The following WDFY3 variants were observed in gnomAD, a reference collection of about 807,000 sequenced individuals.
The protein encoded by WDFY3 is WD repeat and FYVE domain-containing protein 3.
A neutral mutation model predicts 409.6 loss-of-function variants in WDFY3; 66 were observed. The observed-to-expected ratio is 0.16, with a 90% CI of 0.13 to 0.20. WDFY3 has a LOEUF of 0.20. Ranked by LOEUF, WDFY3 falls within the 10% of genes least tolerant of loss-of-function variation. WDFY3 has a pLI of 1.00. For missense variants in WDFY3, 3,031 were observed against 4,298.1 expected (o/e 0.71, Z 8.24); for synonymous variants, 1,521 against 1,537.1 (o/e 0.99, Z 0.25).
intron 2 of WDFY3, among the ~76,000 whole-genome samples, chr4:84,926,168 G>A (rs1486001812): frequency 6.5e-5 from 9 of 137,982 alleles, no homozygotes; most frequent in African/African-American, 1.9e-4. Flanking sequence ...TCGCGCCACC[G>A]CACTCCAGCC....
At chr4:84,755,438 A>C in intron 33 of WDFY3, 38 bp from the exon 34 acceptor site, 1 of 1,574,436 alleles carries the variant, frequency 6.4e-7, no homozygotes. Context: ...AGCCACCACT[A>C]ATTTTTCAGT....
At chr4:84,808,252 A>C in intron 15 of WDFY3, 82 bp downstream of exon 15, 2 of 1,142,460 alleles carry the variant, frequency 1.8e-6, no homozygotes. Context: ...CACAAAACAC[A>C]ATCAACATGT....
intron 1 of WDFY3, among the ~76,000 whole-genome samples, chr4:84,948,405 A>T (rs1432669911): frequency 6.6e-6 from 1 of 152,134 alleles, no homozygotes; most frequent in Non-Finnish European, 1.5e-5. Flanking sequence ...ATGATTACTG[A>T]TCAACAATAC....
At chr4:84,702,210 C>T (rs962432486) in intron 56 of WDFY3, 143 bp downstream of exon 56, 2 of 910,640 alleles carry the variant, frequency 2.2e-6, no homozygotes, top group Non-Finnish European at 3.2e-6. Context: ...TAACCACACC[C>T]AATTACAGCA....
rs376241749 is a variant in WDFY3 at position 84,751,440 on chromosome 4, A to C, written c.5973+43T>G. ...TTTGGTTACTAATGTTCTAATTTAA[A>C]AAGTAATGCAAAAGAGATGTAAATG... is the stretch of plus-strand genomic sequence containing the variant. On this transcript the variant is annotated intron_variant, in intron 36 of 67. Coordinates refer to ENST00000295888, the MANE Select transcript of WDFY3 (RefSeq NM_014991.6). The C allele has an allele frequency of 1.3e-5, 21 of 1,591,956 alleles. No individual in the cohort carries two copies. In the African/African-American group the frequency reaches 2.2e-4, roughly 16 times the overall value.
intron 1 of WDFY3, among the ~76,000 whole-genome samples, chr4:84,943,784 C>T (rs533486096): frequency 6.6e-6 from 1 of 152,240 alleles, no homozygotes; most frequent in African/African-American, 2.4e-5. Context: ...AAGGGTGATA[C>T]AATTTGGCCT....
At chr4:84,929,529 T>C (rs1770467243) in intron 2 of WDFY3, among the ~76,000 whole-genome samples, 1 of 147,094 alleles carries the variant, frequency 6.8e-6, no homozygotes, top group African/African-American at 2.5e-5. Flanking sequence ...AATGTGACCT[T>C]TGAAGCTAGG....
At chr4:84,875,813 A>G (rs571668833) in intron 3 of WDFY3, among the ~76,000 whole-genome samples, 1 of 152,244 alleles carries the variant, frequency 6.6e-6, no homozygotes, top group South Asian at 2.1e-4. Flanking sequence ...TTCCTCCTCC[A>G]TATCTTGTCT....
intron 67 of WDFY3, among the ~76,000 whole-genome samples, chr4:84,673,772 G>T (rs1012320197): frequency 2.6e-5 from 4 of 151,752 alleles, no homozygotes; most frequent in African/African-American, 9.7e-5. Context: ...GATTGAAATG[G>T]AAATGAAAAA....
At chr4:84,771,064 C>T (rs1294431502) in intron 30 of WDFY3, among the ~76,000 whole-genome samples, 1 of 152,160 alleles carries the variant, frequency 6.6e-6, no homozygotes, top group African/African-American at 2.4e-5. Flanking sequence ...GAAAAATTTA[C>T]AACACTACTA....
At chr4:84,953,421 T>C (rs2151136866) in intron 1 of WDFY3, among the ~76,000 whole-genome samples, 1 of 152,308 alleles carries the variant, frequency 6.6e-6, no homozygotes, top group Admixed American at 6.5e-5. Flanking sequence ...AGGTCATAGC[T>C]GCTTTTGACA....
At chr4:84,849,155 C>CA (rs1468379759) in intron 5 of WDFY3, among the ~76,000 whole-genome samples, 1 of 151,848 alleles carries the variant, frequency 6.6e-6, no homozygotes, top group East Asian at 1.9e-4. Context: ...AATCCACCCC[C>CA]AAAAAATGAA....
chr4:84,864,690 G>A (rs1357390933), intron 3 of WDFY3, among the ~76,000 whole-genome samples: 1 of 152,136 alleles, frequency 6.6e-6, no homozygotes, highest in African/African-American at 2.4e-5. Flanking sequence ...GTACGATAGT[G>A]AAATAGAACT....
intron 45 of WDFY3, 40 bp from the exon 46 acceptor site, chr4:84,724,634 C>T (rs1343177935): frequency 6.3e-7 from 1 of 1,593,264 alleles, no homozygotes; most frequent in African/African-American, 1.3e-5. Flanking sequence ...ATAACTATCA[C>T]CAAGAATTAA....
chr4:84,711,884 G>A (rs1264940052), intron 51 of WDFY3, among the ~76,000 whole-genome samples: 3 of 151,780 alleles, frequency 2.0e-5, no homozygotes, highest in Non-Finnish European at 4.4e-5. Flanking sequence ...TACAAAGTTA[G>A]CAAGTATCTA....
intron 54 of WDFY3, 63 bp downstream of exon 54, chr4:84,705,331 G>T (rs1196546661): frequency 2.3e-6 from 3 of 1,298,962 alleles, no homozygotes; most frequent in African/African-American, 1.5e-5. Flanking sequence ...ATGTCAGACC[G>T]CTACATAATG....
At chr4:84,693,465 T>C (rs1336784697) in intron 58 of WDFY3, among the ~76,000 whole-genome samples, 2 of 152,222 alleles carry the variant, frequency 1.3e-5, no homozygotes, top group African/African-American at 4.8e-5. Context: ...TTTAGAAATA[T>C]CATTTTGGTG....
In WDFY3 at chr4:84,803,309, C is replaced by G; in HGVS notation, c.2588G>C (p.Gly863Ala). 2 of 1,609,724 alleles carry G rather than the reference C, an allele frequency of 1.2e-6. No homozygotes were observed. Among genetic ancestry groups the G allele is most frequent in the Non-Finnish European group, 8.5e-7 (1 of 1,178,664 alleles). The change falls in exon 16 of 68, where the codon GGG becomes GCG. Residue 863 changes from glycine (G) to alanine (A), a missense_variant. This residue lies in a region of WDFY3 where 1,322 missense variants were observed against 1,697.9 expected (regional missense o/e 0.78). Transcript: ENST00000295888. ...GCTTACTTCTGGCTGTGTCACTGAC[C>G]CAACAGAGGCCAGTAGGTCCAGCAT... ...LAMLDLLASV[G>A]SVTQPEHALD...
chr4:84,727,242 A>AAAAAAAC (rs1560608387), intron 44 of WDFY3, among the ~76,000 whole-genome samples: 1 of 152,176 alleles, frequency 6.6e-6, no homozygotes, highest in South Asian at 2.1e-4. Context: ...TTGTTTAAAA[A>AAAAAAAC]AAAAAACAAA....
Sources: gnomAD v4.1 joint callset for allele counts (sites outside exome capture counted in the v4.1 genomes callset) on GRCh38, gnomAD v4.1.1 for gene constraint, gnomAD v4.1.1 regional missense constraint, MANE v1.5 for transcripts, NCBI Gene and HGNC (gene_info 2026-07-23, HGNC 2026-07-21) for gene names.